Variants in CARMIL1 observed in about 807,000 individuals in gnomAD.
CARMIL1 encodes the protein capping protein regulator and myosin 1 linker 1.
A neutral mutation model predicts 177.1 loss-of-function variants in CARMIL1; 90 were observed. That is an observed-to-expected ratio of 0.51 (90% CI 0.43 to 0.61). CARMIL1 has a LOEUF of 0.61. Among genes scored for constraint, CARMIL1 ranks in the 20% least tolerant of loss-of-function variants. The pLI is 0.00. For synonymous variants in CARMIL1, 577 were observed against 606.2 expected (o/e 0.95, Z 0.71); for missense variants, 1,380 against 1,667.0 (o/e 0.83, Z 3.00).
At chr6:25,526,126 G>C (rs962519845) in intron 23 of CARMIL1, among the ~76,000 whole-genome samples, 1 of 150,818 alleles carries the variant, frequency 6.6e-6, no homozygotes, top group African/African-American at 2.4e-5. Context: ...TGTGAATGGT[G>C]AAACCCTGTC....
chr6:25,474,110 A>AT (rs771204582), intron 11 of CARMIL1, among the ~76,000 whole-genome samples: 2,596 of 142,628 alleles, frequency 0.018, 64 homozygotes, highest in African/African-American at 0.055. Context: ...ATGAGTATTA[A>AT]TTTTTTTTTT....
chr6:25,301,379 G>A (rs1782848408), intron 2 of CARMIL1, among the ~76,000 whole-genome samples: 2 of 152,156 alleles, frequency 1.3e-5, no homozygotes, highest in Admixed American at 6.5e-5. Context: ...TTTTAGAATC[G>A]AAGTTGAGTC....
In CARMIL1 at chr6:25,581,225, TTTTG is replaced by T. The variant is rs1813087000; in HGVS notation, c.2810-14_2810-11del. The T allele has an allele frequency of 6.2e-7, 1 of 1,604,910 alleles. No individual in the cohort carries two copies. The highest frequency in any genetic ancestry group is 2.2e-5 in the East Asian group (1 of 44,810). On this transcript the variant is annotated splice_polypyrimidine_tract_variant and intron_variant, in intron 30 of 36. Transcript: ENST00000329474. ...TTGGCCTTGGGCTGTTTTTTTGTTTTTTTGTTTTTAATTTTAGAAATGGAGTTTG... is the reference window on the plus strand; with the variant it reads ...TTGGCCTTGGGCTGTTTTTTTGTTTTTTTTTAATTTTAGAAATGGAGTTTG...
chr6:25,460,996 A>G (rs1317154822), intron 8 of CARMIL1, among the ~76,000 whole-genome samples: 1 of 152,200 alleles, frequency 6.6e-6, no homozygotes, highest in Non-Finnish European at 1.5e-5. Flanking sequence ...ACCTGGTTAT[A>G]ATAATGATCC....
intron 35 of CARMIL1, among the ~76,000 whole-genome samples, chr6:25,607,630 C>T (rs1816106127): frequency 6.6e-6 from 1 of 152,186 alleles, no homozygotes; most frequent in Non-Finnish European, 1.5e-5. Flanking sequence ...ATGCACAGCT[C>T]ATCCTAATAA....
intron 24 of CARMIL1, among the ~76,000 whole-genome samples, chr6:25,530,283 C>A (rs111874187): frequency 6.6e-6 from 1 of 151,794 alleles, no homozygotes; most frequent in African/African-American, 2.4e-5. Flanking sequence ...CTTGGGAGGT[C>A]GAGACAGGTG....
intron 36 of CARMIL1, among the ~76,000 whole-genome samples, chr6:25,615,263 G>A (rs1042569980): frequency 2.0e-5 from 3 of 152,192 alleles, no homozygotes; most frequent in African/African-American, 7.2e-5. Flanking sequence ...CCTAAAGTAT[G>A]TATTCATGAA....
At chr6:25,301,820 A>G (rs1191958367) in intron 2 of CARMIL1, among the ~76,000 whole-genome samples, 1 of 152,184 alleles carries the variant, frequency 6.6e-6, no homozygotes. Context: ...TGATGGGTTG[A>G]CTTTCCCAAA....
intron 29 of CARMIL1, among the ~76,000 whole-genome samples, chr6:25,574,735 T>G (rs1348797842): frequency 6.6e-6 from 1 of 152,212 alleles, no homozygotes; most frequent in Non-Finnish European, 1.5e-5. Flanking sequence ...TCACTCAGTA[T>G]TATATTTTGA....
At chr6:25,449,860 G>A in intron 5 of CARMIL1, 38 bp from the exon 6 acceptor site, 1 of 1,260,492 alleles carries the variant, frequency 7.9e-7, no homozygotes, top group Non-Finnish European at 1.1e-6. Flanking sequence ...GTCAAAAAGT[G>A]TGGTTTGTGA....
At chr6:25,433,976 T>G (rs181531032) in intron 4 of CARMIL1, among the ~76,000 whole-genome samples, 1 of 152,334 alleles carries the variant, frequency 6.6e-6, no homozygotes, top group Non-Finnish European at 1.5e-5. Context: ...GTGTTCTCCA[T>G]CATATTTTTG....
At chr6:25,311,683 T>TC (rs556567681) in intron 2 of CARMIL1, among the ~76,000 whole-genome samples, 82 of 146,800 alleles carry the variant, frequency 5.6e-4, no homozygotes, top group South Asian at 2.8e-3. Flanking sequence ...TAGCCATCCA[T>TC]CCCCCCAACC....
At chr6:25,583,881 T>TA (rs1335668567) in intron 31 of CARMIL1, among the ~76,000 whole-genome samples, 1 of 146,718 alleles carries the variant, frequency 6.8e-6, no homozygotes, top group African/African-American at 2.5e-5. Context: ...TGTTACTGAA[T>TA]AAATGGTTTC....
In CARMIL1 at chr6:25,581,010, C is replaced by T. The variant is rs1214716095; in HGVS notation, c.2809+20C>T. On this transcript the variant is annotated intron_variant, in intron 30 of 36. Coordinates refer to ENST00000329474, the MANE Select transcript of CARMIL1 (RefSeq NM_017640.6). ...CTTTTGGTAAGTGTTTTGCTGCTGC[C>T]AATCATTTCCTTGGAACTGTGAAGC... 1.9e-6 allele frequency: 3 copies of T among 1,580,372 alleles called. No homozygotes were observed. The highest frequency in any genetic ancestry group is 2.6e-6 in the Non-Finnish European group (3 of 1,161,736).
At chr6:25,508,146 G>A (rs1805106197) in intron 17 of CARMIL1, among the ~76,000 whole-genome samples, 2 of 152,128 alleles carry the variant, frequency 1.3e-5, no homozygotes. Context: ...AGGTGCTGGG[G>A]AAGATGTACA....
intron 29 of CARMIL1, among the ~76,000 whole-genome samples, chr6:25,569,511 A>C (rs921225383): frequency 7.2e-5 from 11 of 152,214 alleles, no homozygotes; most frequent in Non-Finnish European, 1.6e-4. Context: ...ACCAGGCCCC[A>C]AAATCACCCT....
At chr6:25,520,963 C>T (rs1485505693) in intron 23 of CARMIL1, among the ~76,000 whole-genome samples, 1 of 152,086 alleles carries the variant, frequency 6.6e-6, no homozygotes, top group Non-Finnish European at 1.5e-5. Flanking sequence ...TAGATGTGCT[C>T]AAATATTTCC....
At chr6:25,613,782 G>C (rs374638265) in intron 36 of CARMIL1, among the ~76,000 whole-genome samples, 20 of 152,274 alleles carry the variant, frequency 1.3e-4, no homozygotes, top group East Asian at 9.6e-4. Context: ...AAGGACTTCT[G>C]CTCTTGGAAT....
chr6:25,545,638 G>A (rs905258241), intron 26 of CARMIL1, among the ~76,000 whole-genome samples: 1 of 152,050 alleles, frequency 6.6e-6, no homozygotes, highest in African/African-American at 2.4e-5. Flanking sequence ...TTTTTTTCAG[G>A]TGTCCATGGA....
Sources: gnomAD v4.1 joint callset for allele counts (sites outside exome capture counted in the v4.1 genomes callset) on GRCh38, gnomAD v4.1.1 for gene constraint, MANE v1.5 for transcripts, NCBI Gene and HGNC (gene_info 2026-07-23, HGNC 2026-07-21) for gene names.